MED13L: variants seen among roughly 807,000 people sequenced by gnomAD.
MED13L encodes the protein mediator of RNA polymerase II transcription subunit 13-like.
A neutral mutation model predicts 220.9 loss-of-function variants in MED13L; 7 were observed. The observed-to-expected ratio is 0.03, with a 90% confidence interval of 0.02 to 0.06. MED13L has a LOEUF of 0.06. Ranked by LOEUF, MED13L falls within the 10% of genes least tolerant of loss-of-function variation. The pLI, the probability that MED13L is intolerant of heterozygous loss-of-function variation, is 1.00. For missense variants in MED13L, 1,965 were observed against 2,760.5 expected, an observed-to-expected ratio of 0.71 and a Z score of 6.46; for synonymous variants, 1,011 against 1,015.2, an observed-to-expected ratio of 1.00 and a Z score of 0.08.
chr12:116,125,766 T>C (rs906161325), intron 2 of MED13L, among the ~76,000 whole-genome samples: 3 of 152,220 alleles, frequency 2.0e-5, no homozygotes, highest in African/African-American at 7.2e-5. Context: ...AAAGACAAAG[T>C]TAATCATCAG....
chr12:116,123,506 TAAA>T (rs1466266078), intron 2 of MED13L, among the ~76,000 whole-genome samples: 1 of 152,144 alleles, frequency 6.6e-6, no homozygotes, highest in African/African-American at 2.4e-5. Flanking sequence ...AATTGAGAAG[TAAA>T]AATTTAAAAT....
At chr12:116,070,763 C>A (rs2052020812) in intron 4 of MED13L, among the ~76,000 whole-genome samples, 1 of 152,130 alleles carries the variant, frequency 6.6e-6, no homozygotes, top group Admixed American at 6.6e-5. Flanking sequence ...GCACAGAAAT[C>A]TTTAAAGATA....
intron 2 of MED13L, among the ~76,000 whole-genome samples, chr12:116,207,608 A>AT (rs1243112556): frequency 6.6e-6 from 1 of 152,166 alleles, no homozygotes; most frequent in Non-Finnish European, 1.5e-5. Context: ...AGAGTGCTGT[A>AT]TTTATATCAT....
intron 4 of MED13L, among the ~76,000 whole-genome samples, chr12:116,056,636 T>C (rs1868997280): frequency 6.6e-6 from 1 of 152,248 alleles, no homozygotes; most frequent in Admixed American, 6.5e-5. Flanking sequence ...CTGCTGGTGA[T>C]AAACTCACCA....
chr12:116,063,396 T>C (rs1869666005), intron 4 of MED13L, among the ~76,000 whole-genome samples: 1 of 152,202 alleles, frequency 6.6e-6, no homozygotes. Flanking sequence ...CCTGTGCCTC[T>C]AGTCCCAGCC....
intron 2 of MED13L, among the ~76,000 whole-genome samples, chr12:116,214,672 AG>A (rs748950363): frequency 6.6e-6 from 1 of 152,170 alleles, no homozygotes; most frequent in Non-Finnish European, 1.5e-5. Context: ...CAATTCAGAC[AG>A]GGGTAAGAAT....
chr12:116,020,434 C>A (rs899231774), intron 5 of MED13L, among the ~76,000 whole-genome samples: 7 of 152,196 alleles, frequency 4.6e-5, no homozygotes, highest in Admixed American at 3.3e-4. Flanking sequence ...AACATGGAGA[C>A]CGCAAATGCT....
At chr12:116,063,481 G>C (rs1175673688) in intron 4 of MED13L, among the ~76,000 whole-genome samples, 2 of 152,156 alleles carry the variant, frequency 1.3e-5, no homozygotes, top group African/African-American at 4.8e-5. Flanking sequence ...TCGTGCCACT[G>C]CACTTCAGCC....
chr12:116,069,533 A>G (rs549008215), intron 4 of MED13L, among the ~76,000 whole-genome samples: 1 of 152,296 alleles, frequency 6.6e-6, no homozygotes, highest in East Asian at 1.9e-4. Context: ...ATTCTTTGGT[A>G]CTGACTTTTT....
chr12:116,187,391 C>G (rs1367630986), intron 2 of MED13L, among the ~76,000 whole-genome samples: 31 of 152,166 alleles, frequency 2.0e-4, no homozygotes, highest in Non-Finnish European at 1.9e-4. Context: ...GTGCTTTAAA[C>G]AAAGCCTGAC....
chr12:116,195,801 C>A lies in MED13L; in HGVS notation c.310+41667G>T, dbSNP rs538268883. Among the ~76,000 whole-genome samples the A allele has an allele frequency of 2.0e-5, 3 of 151,646 alleles. No individual in the cohort carries two copies. In the East Asian group the frequency reaches 5.8e-4, roughly 29 times the overall value. ...TAAAGGGAAAAAAAATCACAACAAG[C>A]AGAAGTGAAACAAGGCTAGGTGGAA... On this transcript the variant is annotated intron_variant, in intron 2 of 30. Coordinates refer to ENST00000281928, the MANE Select transcript of MED13L (RefSeq NM_015335.5).
Position 116,060,144 on chromosome 12 carries a change from G to C in MED13L, c.479+36525C>G, listed in dbSNP as rs145599784. Among the ~76,000 whole-genome samples the C allele has an allele frequency of 2.6e-5, 4 of 152,126 alleles. No homozygotes were observed. The East Asian group carries it at 7.7e-4, about 29-fold the overall frequency. On this transcript the variant is annotated intron_variant, in intron 4 of 30. Coordinates refer to ENST00000281928, the MANE Select transcript of MED13L (RefSeq NM_015335.5). ...GCTCCTGGAGGGATCACAAAACACT[G>C]CCCAGGACACTCTCATCATTCTGTG...
In MED13L at chr12:115,960,549, T is replaced by C. The variant is rs1159156701; in HGVS notation, c.*717A>G. 6.5e-6 allele frequency: 1 copy of C among 153,210 alleles called. No individual in the cohort carries two copies. The highest frequency in any genetic ancestry group is 2.0e-4 in the South Asian group (1 of 4,888). 9.5% of individuals were successfully genotyped at this position (153,210 alleles called of 1,614,324 possible). A position where few individuals can be genotyped will look rare whatever the true frequency, so the allele number is the denominator to read the frequency against. ...CCTTTTCCGGCTTCTAGGACAGAGG[T>C]ATGTAGTCAAAGAATCCTATGGTGG... On this transcript the variant is annotated 3_prime_UTR_variant, in exon 31 of 31. Transcript: ENST00000281928.
intron 23 of MED13L, among the ~76,000 whole-genome samples, chr12:115,979,188 T>C (rs1592909376): frequency 6.6e-6 from 1 of 152,212 alleles, no homozygotes; most frequent in Admixed American, 6.5e-5. Flanking sequence ...TAAAGTAAAA[T>C]CATTTACTTC....
chr12:116,025,297 C>G (rs1329442257), intron 4 of MED13L, among the ~76,000 whole-genome samples: 1 of 152,118 alleles, frequency 6.6e-6, no homozygotes, highest in African/African-American at 2.4e-5. Flanking sequence ...TAAATTAAGA[C>G]AGCAATTATG....
intron 2 of MED13L, among the ~76,000 whole-genome samples, chr12:116,219,192 ACTTATT>A (rs1196137649): frequency 1.3e-4 from 20 of 152,218 alleles, no homozygotes; most frequent in Non-Finnish European, 2.4e-4. Flanking sequence ...ACATAACTGG[ACTTATT>A]CTTAACTTAT....
chr12:116,008,699 C>A lies in MED13L; in HGVS notation c.1714G>T (p.Asp572Tyr), dbSNP rs2137384963. 1.9e-6 allele frequency: 3 copies of A among 1,613,970 alleles called. No homozygotes were observed. The highest frequency in any genetic ancestry group is 2.5e-6 in the Non-Finnish European group (3 of 1,179,976). Residue 572 changes from aspartate to tyrosine, a missense_variant, in exon 10 of 31, where the codon GAC (aspartate) becomes TAC (tyrosine). Physicochemically the swap from Asp to Tyr is radical, Grantham distance 160. Coordinates refer to ENST00000281928, the MANE Select transcript of MED13L (RefSeq NM_015335.5). ...QPRGQETESL[D>Y]PPSVPVNPAL... ...GGATTCACAGGGACCGATGGTGGGT[C>A]CAAACTCTCTGTTTCCTGACCTCGT...
intron 25 of MED13L, among the ~76,000 whole-genome samples, chr12:115,973,873 A>G (rs1876755214): frequency 6.6e-6 from 1 of 152,224 alleles, no homozygotes; most frequent in Non-Finnish European, 1.5e-5. Flanking sequence ...TACTTAATAC[A>G]TATGATGTAA....
chr12:116,045,437 G>A (rs981513082), intron 4 of MED13L, among the ~76,000 whole-genome samples: 12 of 152,014 alleles, frequency 7.9e-5, no homozygotes, highest in Non-Finnish European at 1.2e-4. Context: ...GGCTGTACTC[G>A]GCTTCTAGAT....
Sources: gnomAD v4.1 joint callset for allele counts (sites outside exome capture counted in the v4.1 genomes callset) on GRCh38, gnomAD v4.1.1 for gene constraint, MANE v1.5 for transcripts, NCBI Gene and HGNC (gene_info 2026-07-23, HGNC 2026-07-21) for gene names.